Variants in BCKDK observed in about 807,000 individuals in gnomAD.
BCKDK encodes branched-chain alpha-ketoacid dehydrogenase kinase.
In BCKDK, 28 loss-of-function variants were observed where a neutral mutation model predicts 43.9. That is an observed-to-expected ratio of 0.64 (90% confidence interval 0.47 to 0.87). The LOEUF is 0.87. BCKDK is among the 40% of genes least tolerant of loss of function. BCKDK has a pLI of 0.00. For missense variants in BCKDK, 483 were observed against 581.4 expected (o/e 0.83, Z 1.74); for synonymous variants, 257 against 234.3 (o/e 1.10, Z -0.88).
Position 31,109,469 on chromosome 16 carries a change from A to T in BCKDK, c.196-42A>T, listed in dbSNP as rs1596808268. The T allele has an allele frequency of 7.4e-6, 12 of 1,613,332 alleles. No individual in the cohort carries two copies. The highest frequency in any genetic ancestry group is 4.5e-5 in the East Asian group (2 of 44,824). On this transcript the variant is annotated intron_variant, in intron 2 of 11. Transcript: ENST00000219794. This position sits in a 1 kb window ranked among gnomAD's most constrained non-coding sequence, Gnocchi z 5.3. ...GGTCCGGGATGTAGGCGGGAGGGAG[A>T]GTGTTGGGGGTTCTCTGCTCAAGGC...
chr16:31,108,984 G>T lies in BCKDK; in HGVS notation c.-177-63G>T, dbSNP rs1446745808. 1 of 446,152 alleles carries T rather than the reference G, an allele frequency of 2.2e-6. No individual in the cohort carries two copies. The highest frequency in any genetic ancestry group is 4.0e-6 in the Non-Finnish European group (1 of 250,296). 27.6% of individuals were successfully genotyped at this position (446,152 alleles called of 1,614,324 possible). A position where few individuals can be genotyped will look rare whatever the true frequency, so the allele number is the denominator to read the frequency against. On this transcript the variant is annotated intron_variant, in intron 1 of 11. Coordinates refer to ENST00000219794, the MANE Select transcript of BCKDK (RefSeq NM_005881.4). The surrounding 1 kb of genome is among the most constrained non-coding windows in gnomAD (Gnocchi z 6.2). ...GGTCTGGGGAGACCGATGCACAGGT[G>T]GAGAGATGGTGCGGGTTCTGTGGAT... is the stretch of plus-strand genomic sequence containing the variant.
rs578011961 is a variant in BCKDK at position 31,109,474 on chromosome 16, T to TG, written c.196-32dup. On this transcript the variant is annotated intron_variant, in intron 2 of 11. Transcript: ENST00000219794. The surrounding 1 kb of genome is among the most constrained non-coding windows in gnomAD (Gnocchi z 5.3). Reference sequence around the variant, plus strand: ...GGGATGTAGGCGGGAGGGAGAGTGTTGGGGGTTCTCTGCTCAAGGCCTCTC... The same window carrying TG: ...GGGATGTAGGCGGGAGGGAGAGTGTTGGGGGGTTCTCTGCTCAAGGCCTCTC... The TG allele has an allele frequency of 4.5e-5, 73 of 1,613,708 alleles. No individual in the cohort carries two copies. The African/African-American group carries it at 7.5e-4, about 17-fold the overall frequency.
At chr16:31,114,862 T>G (rs1241042920), downstream of BCKDK, among the ~76,000 whole-genome samples, 10 of 152,234 alleles carry the variant, frequency 6.6e-5, no homozygotes, top group Admixed American at 6.5e-4. Context: ...TTCAGATCTG[T>G]GGGTTCTGCA....
chr16:31,112,181 G>A lies in BCKDK; in HGVS notation c.1155G>A (p.Gln385=). The A allele has an allele frequency of 1.2e-6, 2 of 1,613,192 alleles. No homozygotes were observed. Among genetic ancestry groups the A allele is most frequent in the Non-Finnish European group, 1.7e-6 (2 of 1,179,946 alleles). ...CGGAGTACCTCGGTGGGTCTCTGCA[G>A]CTGCAGTCCCTGCAGGGCATTGGCA... is the stretch of plus-strand genomic sequence containing the variant. ...AYAEYLGGSL[Q]LQSLQGIGTD... The change falls in exon 12 of 12, where the codon CAG becomes CAA. Residue 385 remains glutamine, a synonymous_variant. Transcript: ENST00000219794. The surrounding 1 kb of genome is among the most constrained non-coding windows in gnomAD (Gnocchi z 5.0).
chr16:31,113,185 C>T (rs1027803479), downstream of BCKDK, among the ~76,000 whole-genome samples: 5 of 152,232 alleles, frequency 3.3e-5, no homozygotes, highest in South Asian at 2.1e-4. Flanking sequence ...GGCCTAAGGG[C>T]GGCCTGGTGG....
Position 31,110,389 on chromosome 16 carries a change from C to T in BCKDK, c.544-12C>T. On this transcript the variant is annotated splice_polypyrimidine_tract_variant and intron_variant, in intron 6 of 11. Transcript: ENST00000219794. The surrounding 1 kb of genome is among the most constrained non-coding windows in gnomAD (Gnocchi z 5.4). ...GGAAGGGCACGGGATTCTGAGACCT[C>T]ACTCTTTACAGGATGAAAAGCTCGT... 2 of 1,614,030 alleles carry T rather than the reference C, an allele frequency of 1.2e-6. No homozygotes were observed. Among genetic ancestry groups the T allele is most frequent in the Non-Finnish European group, 1.7e-6 (2 of 1,180,026 alleles).
At position 31,109,634 on chromosome 16, in the gene BCKDK, C is replaced by T. The variant is rs1250786561; in HGVS notation, c.265-39C>T. On this transcript the variant is annotated intron_variant, in intron 3 of 11. Coordinates refer to ENST00000219794, the MANE Select transcript of BCKDK (RefSeq NM_005881.4). This position sits in a 1 kb window ranked among gnomAD's most constrained non-coding sequence, Gnocchi z 5.3. ...GGATCCTGGAGCTCTCCCAGACACT[C>T]AGGCTCCAGCCCCGCCTTCCCTTCT... is the stretch of plus-strand genomic sequence containing the variant. 1.2e-6 allele frequency: 2 copies of T among 1,613,544 alleles called. No individual in the cohort carries two copies. Among genetic ancestry groups the T allele is most frequent in the Non-Finnish European group, 1.7e-6 (2 of 1,179,622 alleles).
At chr16:31,114,110 A>G (rs2057432615), downstream of BCKDK, among the ~76,000 whole-genome samples, 1 of 152,168 alleles carries the variant, frequency 6.6e-6, no homozygotes, top group South Asian at 2.1e-4. Flanking sequence ...GGTCTTTGAA[A>G]GCACATCAAA....
At chr16:31,114,711 A>G (rs1032404241), downstream of BCKDK, among the ~76,000 whole-genome samples, 23 of 152,134 alleles carry the variant, frequency 1.5e-4, no homozygotes, top group Non-Finnish European at 2.5e-4. Flanking sequence ...GGATAGTTCA[A>G]CCGTTACATA....
At position 31,109,835 on chromosome 16, in the gene BCKDK, T is replaced by TGG. The variant is rs1281443327; in HGVS notation, c.375+55_375+56dup. The TGG allele has an allele frequency of 5.8e-6, 9 of 1,564,192 alleles. No individual in the cohort carries two copies. The East Asian group carries it at 1.1e-4, about 19-fold the overall frequency. On this transcript the variant is annotated intron_variant, in intron 4 of 11. Coordinates refer to ENST00000219794, the MANE Select transcript of BCKDK (RefSeq NM_005881.4). This position sits in a 1 kb window ranked among gnomAD's most constrained non-coding sequence, Gnocchi z 5.3. ...CGGGCCACCCTGCCCCGGGGGCAAGTGGGGAGTCTGGGGCCCAGAGTGGCA... is the reference window on the plus strand; with the variant it reads ...CGGGCCACCCTGCCCCGGGGGCAAGTGGGGGGAGTCTGGGGCCCAGAGTGGCA...
Position 31,111,222 on chromosome 16 carries a change from G to A in BCKDK, c.845+3G>A, listed in dbSNP as rs2057409751. 2 of 1,614,072 alleles carry A rather than the reference G, an allele frequency of 1.2e-6. No individual in the cohort carries two copies. The highest frequency in any genetic ancestry group is 1.7e-5 in the Admixed American group (1 of 59,998). On this transcript the variant is annotated splice_donor_region_variant and intron_variant, in intron 9 of 11. Coordinates refer to ENST00000219794, the MANE Select transcript of BCKDK (RefSeq NM_005881.4). ...GAGCTGCTCAAGAATGCCATGAGGT[G>A]GGGTGGCTTGATGTGCTGGCTTGGG...
At chr16:31,114,643 GT>G (rs1354659052), downstream of BCKDK, among the ~76,000 whole-genome samples, 1 of 152,190 alleles carries the variant, frequency 6.6e-6, no homozygotes, top group African/African-American at 2.4e-5. Flanking sequence ...CAAAGGGAAT[GT>G]TTACTGAGTA....
chr16:31,112,112 C>T lies in BCKDK; in HGVS notation c.1095-9C>T, dbSNP rs1382422307. The T allele has an allele frequency of 6.2e-7, 1 of 1,607,446 alleles. No individual in the cohort carries two copies. Among genetic ancestry groups the T allele is most frequent in the Non-Finnish European group, 8.5e-7 (1 of 1,175,814 alleles). On this transcript the variant is annotated splice_polypyrimidine_tract_variant and intron_variant, in intron 11 of 11. Coordinates refer to ENST00000219794, the MANE Select transcript of BCKDK (RefSeq NM_005881.4). This position sits in a 1 kb window ranked among gnomAD's most constrained non-coding sequence, Gnocchi z 5.0. ...AAGCCTCCTGTCCTGTCCCCCTGCC[C>T]ACCCCCAGCTTTGGCTTCGGGTTGC...
chr16:31,115,154 C>G (rs946093515), downstream of BCKDK, among the ~76,000 whole-genome samples: 1 of 151,662 alleles, frequency 6.6e-6, no homozygotes, highest in Non-Finnish European at 1.5e-5. Context: ...AACTCCTGAC[C>G]TCAAGTAATC....
Position 31,109,692 on chromosome 16 carries a change from A to G in BCKDK, c.284A>G (p.Gln95Arg), listed in dbSNP as rs1200550876. Reference protein sequence around the residue: ...SHLLKSARYLQQELPVRIAHR... With the variant: ...SHLLKSARYLRQELPVRIAHR... ...TCCCAGAAAAGTGCTCGGTACCTGC[A>G]GCAAGAACTTCCAGTGAGGATTGCT... Residue 95 changes from glutamine (Q) to arginine (R), a missense_variant, in exon 4 of 12, where the codon CAG becomes CGG. By Grantham distance (43) the Gln-to-Arg change is conservative. Transcript: ENST00000219794. The surrounding 1 kb of genome is among the most constrained non-coding windows in gnomAD (Gnocchi z 5.3). 1.1e-5 allele frequency: 18 copies of G among 1,613,952 alleles called. No homozygotes were observed. Among genetic ancestry groups the G allele is most frequent in the Non-Finnish European group, 1.5e-5 (18 of 1,180,040 alleles).
In BCKDK at chr16:31,109,488, T is replaced by C; in HGVS notation, c.196-23T>C. The C allele has an allele frequency of 6.2e-7, 1 of 1,613,954 alleles. No individual in the cohort carries two copies. The highest frequency in any genetic ancestry group is 8.5e-7 in the Non-Finnish European group (1 of 1,179,976). ...AGGGAGAGTGTTGGGGGTTCTCTGC[T>C]CAAGGCCTCTCTCCCTCTCTAGCCC... On this transcript the variant is annotated intron_variant, in intron 2 of 11. Transcript: ENST00000219794. The surrounding 1 kb of genome is among the most constrained non-coding windows in gnomAD (Gnocchi z 5.3).
In BCKDK at chr16:31,109,143, G is replaced by C; in HGVS notation, c.-81G>C. The C allele has an allele frequency of 3.5e-6, 3 of 862,614 alleles. No individual in the cohort carries two copies. Among genetic ancestry groups the C allele is most frequent in the Non-Finnish European group, 4.9e-6 (3 of 609,064 alleles). 53.4% of individuals were successfully genotyped at this position (862,614 alleles called of 1,614,324 possible). On this transcript the variant is annotated 5_prime_UTR_variant, in exon 2 of 12. Coordinates refer to ENST00000219794, the MANE Select transcript of BCKDK (RefSeq NM_005881.4). The surrounding 1 kb of genome is among the most constrained non-coding windows in gnomAD (Gnocchi z 5.3). ...AGCCCCTACCCACCCACACCCCCTT[G>C]CCCCATTTTGGGTCGCCTGGGTCCT...
At position 31,112,497 on chromosome 16, in the gene BCKDK, C is replaced by G; in HGVS notation, c.*232C>G. ...GTGGGCACCCTGAGGCCTCCAGCAC[C>G]AGTTCCGTCATTCTCGTTCCTGGGG... On this transcript the variant is annotated 3_prime_UTR_variant, in exon 12 of 12. Coordinates refer to ENST00000219794, the MANE Select transcript of BCKDK (RefSeq NM_005881.4). This position sits in a 1 kb window ranked among gnomAD's most constrained non-coding sequence, Gnocchi z 5.0. 1.5e-6 allele frequency: 1 copy of G among 646,456 alleles called. No individual in the cohort carries two copies. The highest frequency in any genetic ancestry group is 2.7e-6 in the Non-Finnish European group (1 of 367,526). The allele number at this position is 646,456 out of a possible 1,614,324, so 40.0% of individuals were successfully genotyped here. A position where few individuals can be genotyped will look rare whatever the true frequency, so the allele number is the denominator to read the frequency against.
chr16:31,110,764 G>T lies in BCKDK; in HGVS notation c.716+3G>T. On this transcript the variant is annotated splice_donor_region_variant and intron_variant, in intron 8 of 11. Coordinates refer to ENST00000219794, the MANE Select transcript of BCKDK (RefSeq NM_005881.4). This position sits in a 1 kb window ranked among gnomAD's most constrained non-coding sequence, Gnocchi z 5.4. ...GAGAAGTGGGTGGACTTTGCCAGGT[G>T]AGGCAAGAATGGCTCAGGGGGTGGG... The T allele has an allele frequency of 1.2e-6, 2 of 1,613,908 alleles. No homozygotes were observed. Among genetic ancestry groups the T allele is most frequent in the Non-Finnish European group, 1.7e-6 (2 of 1,179,816 alleles).
Sources: allele counts gnomAD v4.1 joint callset (sites outside exome capture counted in the v4.1 genomes callset), GRCh38; gene constraint gnomAD v4.1.1; non-coding constraint Gnocchi (gnomAD v3.1); transcripts MANE v1.5; gene names NCBI Gene and HGNC (gene_info 2026-07-23, HGNC 2026-07-21).